The following ADAMTS3 variants were observed in gnomAD, a reference collection of about 807,000 sequenced individuals.
The protein encoded by ADAMTS3 is ADAM metallopeptidase with thrombospondin type 1 motif 3, also known as A disintegrin and metalloproteinase with thrombospondin motifs 3.
ADAMTS3 carries 73 observed loss-of-function variants against 129.0 expected under a neutral mutation model. That is an observed-to-expected ratio of 0.57 (90% CI 0.47 to 0.69). The LOEUF is 0.69. ADAMTS3 is among the 30% of genes least tolerant of loss of function. The pLI is 0.00. For synonymous variants in ADAMTS3, 477 were observed against 510.8 expected (o/e 0.93, Z 0.89); for missense variants, 1,457 against 1,514.5 (o/e 0.96, Z 0.63).
At chr4:72,460,825 T>C (rs1718748455) in intron 3 of ADAMTS3, among the ~76,000 whole-genome samples, 1 of 151,634 alleles carries the variant, frequency 6.6e-6, no homozygotes, top group African/African-American at 2.4e-5. Context: ...AATTAAAAGA[T>C]ATACAAAAAT....
At chr4:72,437,947 G>A (rs1717998564) in intron 3 of ADAMTS3, among the ~76,000 whole-genome samples, 2 of 151,688 alleles carry the variant, frequency 1.3e-5, no homozygotes, top group Admixed American at 1.3e-4. Flanking sequence ...AAATGGGAAA[G>A]ATGAGTTTAG....
chr4:72,334,547 A>G (rs1719941571), intron 5 of ADAMTS3, among the ~76,000 whole-genome samples: 1 of 151,836 alleles, frequency 6.6e-6, no homozygotes, highest in Non-Finnish European at 1.5e-5. Flanking sequence ...TTAAAACTCT[A>G]CTCTCTTGAA....
At chr4:72,288,271 T>C (rs1418882561) in intron 21 of ADAMTS3, among the ~76,000 whole-genome samples, 5 of 152,196 alleles carry the variant, frequency 3.3e-5, no homozygotes, top group East Asian at 1.9e-4. Context: ...TTTTATCCTA[T>C]GTGCAAGGTG....
At chr4:72,540,722 A>AGGGCCCC (rs1721300289) in intron 3 of ADAMTS3, among the ~76,000 whole-genome samples, 3 of 152,142 alleles carry the variant, frequency 2.0e-5, no homozygotes, top group Non-Finnish European at 2.9e-5. Flanking sequence ...GGGGCCAAGC[A>AGGGCCCC]TGGCCCATGA....
intron 4 of ADAMTS3, among the ~76,000 whole-genome samples, chr4:72,390,603 T>C (rs890317834): frequency 3.3e-5 from 5 of 152,148 alleles, no homozygotes; most frequent in African/African-American, 1.2e-4. Flanking sequence ...ACATTTCCTA[T>C]ACTGATTACT....
At chr4:72,477,638 A>C (rs1367652009) in intron 3 of ADAMTS3, among the ~76,000 whole-genome samples, 1 of 152,180 alleles carries the variant, frequency 6.6e-6, no homozygotes, top group Non-Finnish European at 1.5e-5. Context: ...AGATCTAGAA[A>C]AGCAAGAGCA....
In ADAMTS3 at chr4:72,568,992, AAC is replaced by A. The variant is rs1254913783; in HGVS notation, c.-232_-231del. On this transcript the variant is annotated 5_prime_UTR_variant, in exon 1 of 22. Transcript: ENST00000286657. Reference sequence around the variant, plus strand: ...CTTCACCTTCTCACCCCGTCCTCCCAACACAGAGTGTGCAGGAGCGAGAAGGT... The same window carrying A: ...CTTCACCTTCTCACCCCGTCCTCCCAACAGAGTGTGCAGGAGCGAGAAGGT... 3 of 589,120 alleles carry A rather than the reference AAC, an allele frequency of 5.1e-6. No homozygotes were observed. The highest frequency in any genetic ancestry group is 1.9e-5 in the African/African-American group (1 of 53,636). 36.5% of individuals were successfully genotyped at this position (589,120 alleles called of 1,614,324 possible).
intron 3 of ADAMTS3, among the ~76,000 whole-genome samples, chr4:72,544,158 T>A (rs1721407348): frequency 6.6e-6 from 1 of 152,122 alleles, no homozygotes; most frequent in Non-Finnish European, 1.5e-5. Context: ...TTAGTAGTAG[T>A]CTAGTATTGC....
chr4:72,496,816 A>G (rs991602115), intron 3 of ADAMTS3, among the ~76,000 whole-genome samples: 3 of 152,018 alleles, frequency 2.0e-5, no homozygotes, highest in African/African-American at 7.2e-5. Flanking sequence ...TGCTTTCTGA[A>G]GATGATAATT....
chr4:72,465,680 C>A (rs556155152), intron 3 of ADAMTS3, among the ~76,000 whole-genome samples: 61 of 152,070 alleles, frequency 4.0e-4, no homozygotes, highest in African/African-American at 1.4e-3. Flanking sequence ...ACAAAGCACA[C>A]ACTTAAGCTT....
At chr4:72,546,730 T>C (rs1262753215) in intron 3 of ADAMTS3, among the ~76,000 whole-genome samples, 1 of 152,090 alleles carries the variant, frequency 6.6e-6, no homozygotes, top group Non-Finnish European at 1.5e-5. Flanking sequence ...CCACAAAATA[T>C]GATTGTGAGC....
intron 3 of ADAMTS3, among the ~76,000 whole-genome samples, chr4:72,463,610 C>T (rs2109986291): frequency 6.6e-6 from 1 of 151,474 alleles, no homozygotes; most frequent in Middle Eastern, 3.4e-3. Context: ...CAAACCACTG[C>T]CACTGCCCAA....
chr4:72,520,808 C>A (rs1304528276), intron 3 of ADAMTS3, among the ~76,000 whole-genome samples: 1 of 152,058 alleles, frequency 6.6e-6, no homozygotes, highest in Non-Finnish European at 1.5e-5. Flanking sequence ...TGAGGCAATG[C>A]CTCCCCTTGC....
At chr4:72,549,118 A>C (rs528648671) in intron 2 of ADAMTS3, among the ~76,000 whole-genome samples, 17 of 152,222 alleles carry the variant, frequency 1.1e-4, no homozygotes, top group Non-Finnish European at 2.4e-4. Flanking sequence ...TTAAAATTAC[A>C]TTGTAAATAT....
intron 3 of ADAMTS3, among the ~76,000 whole-genome samples, chr4:72,538,500 GA>G (rs970898242): frequency 3.4e-5 from 5 of 146,718 alleles, no homozygotes; most frequent in East Asian, 2.0e-4. Context: ...AATAACAAGA[GA>G]AAAAAAAAAG....
chr4:72,427,770 G>A (rs556622099), intron 3 of ADAMTS3, among the ~76,000 whole-genome samples: 1 of 152,142 alleles, frequency 6.6e-6, no homozygotes, highest in East Asian at 1.9e-4. Flanking sequence ...ATGAACTTCT[G>A]AGGAGTTCTT....
chr4:72,404,019 CAAAT>C (rs1192521418), intron 4 of ADAMTS3, among the ~76,000 whole-genome samples: 1 of 151,944 alleles, frequency 6.6e-6, no homozygotes, highest in Non-Finnish European at 1.5e-5. Context: ...AAAAAAGAAA[CAAAT>C]AAATAGAAAG....
intron 3 of ADAMTS3, among the ~76,000 whole-genome samples, chr4:72,432,500 C>T (rs969540547): frequency 1.3e-5 from 2 of 151,934 alleles, no homozygotes; most frequent in African/African-American, 4.8e-5. Flanking sequence ...CTTATCACCG[C>T]CCACACTTCT....
chr4:72,330,877 C>A (rs527246419), intron 5 of ADAMTS3: 1 of 152,136 alleles, frequency 6.6e-6, no homozygotes, highest in Non-Finnish European at 1.5e-5. Context: ...TAGCAAAAGC[C>A]CAGGTAGAAC....
Sources: gnomAD v4.1 joint callset for allele counts (sites outside exome capture counted in the v4.1 genomes callset) on GRCh38, gnomAD v4.1.1 for gene constraint, MANE v1.5 for transcripts, NCBI Gene and HGNC (gene_info 2026-07-23, HGNC 2026-07-21) for gene names.